CTNNA1: variants seen among roughly 807,000 people sequenced by gnomAD.
CTNNA1 encodes the protein catenin alpha-1.
In CTNNA1, 37 loss-of-function variants were observed where a neutral mutation model predicts 98.4. The observed-to-expected ratio is 0.38, with a 90% CI of 0.29 to 0.49. CTNNA1 has a LOEUF of 0.49. CTNNA1 is among the 20% of genes least tolerant of loss of function. The pLI is 0.95. For missense variants in CTNNA1, 761 were observed against 1,147.2 expected (o/e 0.66, Z 4.86); for synonymous variants, 404 against 413.2 (o/e 0.98, Z 0.27).
intron 16 of CTNNA1, chr5:138,931,710 T>C (rs1765387806): frequency 2.0e-6 from 2 of 985,368 alleles, no homozygotes; most frequent in African/African-American, 3.5e-5. Context: ...CTCCACTTCC[T>C]TCTGCATCCA....
intron 3 of CTNNA1, among the ~76,000 whole-genome samples, chr5:138,808,650 T>G (rs536862750): frequency 4.3e-4 from 65 of 150,954 alleles, no homozygotes; most frequent in African/African-American, 1.5e-3. Flanking sequence ...CTAGGAGAAA[T>G]TTGATAGGTC....
rs1043961632 is a variant in CTNNA1 at position 138,931,547 on chromosome 5, T to A, written c.2298+612T>A. 8.3e-6 allele frequency: 8 copies of A among 966,622 alleles called. No individual in the cohort carries two copies. The African/African-American group carries it at 1.4e-4, about 17-fold the overall frequency. 59.9% of individuals were successfully genotyped at this position (966,622 alleles called of 1,614,324 possible). On this transcript the variant is annotated intron_variant, in intron 16 of 17. Coordinates refer to ENST00000302763, the MANE Select transcript of CTNNA1 (RefSeq NM_001903.5). ...GCCTCCTTACACAAGCCAAAGATTG[T>A]AAAGGCATCCTTGACTCCCACACAA...
At chr5:138,813,301 TC>T in intron 5 of CTNNA1, among the ~76,000 whole-genome samples, 1 of 152,236 alleles carries the variant, frequency 6.6e-6, no homozygotes, top group Non-Finnish European at 1.5e-5. Context: ...AAAGGACTGT[TC>T]CTTCCATATG....
chr5:138,894,439 C>T (rs879661862), intron 9 of CTNNA1, among the ~76,000 whole-genome samples: 1 of 151,528 alleles, frequency 6.6e-6, no homozygotes, highest in Admixed American at 6.6e-5. Flanking sequence ...ACCACCATGC[C>T]TCACTAATTT....
intron 13 of CTNNA1, 55 bp downstream of exon 13, chr5:138,925,462 C>A: frequency 6.3e-7 from 1 of 1,588,926 alleles, no homozygotes; most frequent in Non-Finnish European, 8.6e-7. Flanking sequence ...ATTTGCTAAA[C>A]TTGAGCAATG....
chr5:138,903,304 A>T (rs1453530466), intron 9 of CTNNA1, among the ~76,000 whole-genome samples: 9 of 152,120 alleles, frequency 5.9e-5, no homozygotes, highest in African/African-American at 2.2e-4. Flanking sequence ...TTATGTGCTT[A>T]AGTTGGGCGG....
intron 5 of CTNNA1, among the ~76,000 whole-genome samples, chr5:138,823,280 A>G (rs1760220954): frequency 6.6e-6 from 1 of 152,208 alleles, no homozygotes; most frequent in African/African-American, 2.4e-5. Flanking sequence ...CGCTTAGCAT[A>G]TCTACTCAGC....
chr5:138,902,973 CA>C (rs1758403220), intron 9 of CTNNA1, among the ~76,000 whole-genome samples: 1 of 151,930 alleles, frequency 6.6e-6, no homozygotes, highest in Non-Finnish European at 1.5e-5. Context: ...TAGAAATCCC[CA>C]GTCATCTCTG....
At chr5:138,896,089 C>T (rs747359060) in intron 9 of CTNNA1, among the ~76,000 whole-genome samples, 2 of 152,188 alleles carry the variant, frequency 1.3e-5, no homozygotes, top group African/African-American at 2.4e-5. Flanking sequence ...GTGTGTATAT[C>T]ACACTATGGA....
At chr5:138,876,201 C>T (rs1285769066) in intron 7 of CTNNA1, among the ~76,000 whole-genome samples, 2 of 152,150 alleles carry the variant, frequency 1.3e-5, no homozygotes, top group Non-Finnish European at 1.5e-5. Context: ...ATCTCACCTA[C>T]TCCATAACTA....
chr5:138,759,919 G>A (rs984982058), intron 1 of CTNNA1, among the ~76,000 whole-genome samples: 1 of 145,614 alleles, frequency 6.9e-6, no homozygotes, highest in South Asian at 2.2e-4. Flanking sequence ...TGGGGAGACT[G>A]ATCTTGGTGC....
chr5:138,932,102 A>G, intron 16 of CTNNA1: 1 of 986,474 alleles, frequency 1.0e-6, no homozygotes, highest in South Asian at 4.7e-5. Flanking sequence ...TTTTGTCATC[A>G]GGCATTAATA....
chr5:138,760,456 C>G (rs1752227770), intron 1 of CTNNA1, among the ~76,000 whole-genome samples: 1 of 66,332 alleles, frequency 1.5e-5, no homozygotes, highest in Admixed American at 1.7e-4. Context: ...CTCTGCCTCC[C>G]AAGCTCAAAA....
chr5:138,772,877 TA>T (rs1753700813), intron 1 of CTNNA1, among the ~76,000 whole-genome samples: 1 of 122,822 alleles, frequency 8.1e-6, no homozygotes. Context: ...ATTTGGAGTA[TA>T]GAATTCAACT....
At chr5:138,806,057 A>G (rs1395341495) in intron 3 of CTNNA1, among the ~76,000 whole-genome samples, 1 of 152,168 alleles carries the variant, frequency 6.6e-6, no homozygotes, top group Non-Finnish European at 1.5e-5. Flanking sequence ...TAAATTTTGT[A>G]AGTATATGGT....
At chr5:138,888,838 C>T (rs950552248) in intron 9 of CTNNA1, among the ~76,000 whole-genome samples, 1 of 152,104 alleles carries the variant, frequency 6.6e-6, no homozygotes, top group Non-Finnish European at 1.5e-5. Flanking sequence ...CTGCGCCTGG[C>T]TAGGCCACGT....
intron 7 of CTNNA1, among the ~76,000 whole-genome samples, chr5:138,859,790 C>T (rs1293450542): frequency 3.3e-5 from 5 of 152,044 alleles, no homozygotes; most frequent in Admixed American, 6.6e-5. Context: ...CACCTGTAGT[C>T]GCAGCTACTT....
intron 5 of CTNNA1, among the ~76,000 whole-genome samples, chr5:138,823,585 G>C (rs1316732690): frequency 6.6e-6 from 1 of 152,126 alleles, no homozygotes; most frequent in Admixed American, 6.5e-5. Flanking sequence ...GAACAGCCTT[G>C]TGATATCCTC....
At chr5:138,901,973 GAA>G (rs1232338693) in intron 9 of CTNNA1, among the ~76,000 whole-genome samples, 1 of 152,204 alleles carries the variant, frequency 6.6e-6, no homozygotes, top group Non-Finnish European at 1.5e-5. Flanking sequence ...TTCATCTGGA[GAA>G]GACTGTTAGT....
Sources: gnomAD v4.1 joint callset for allele counts (sites outside exome capture counted in the v4.1 genomes callset) on GRCh38, gnomAD v4.1.1 for gene constraint, MANE v1.5 for transcripts, NCBI Gene and HGNC (gene_info 2026-07-23, HGNC 2026-07-21) for gene names.